The following CLEC4F variants were observed in gnomAD, a reference collection of about 807,000 sequenced individuals.
CLEC4F encodes the protein C-type (calcium dependent, carbohydrate-recognition domain) lectin, superfamily member 13.
A neutral mutation model predicts 53.4 loss-of-function variants in CLEC4F; 45 were observed. The ratio of observed to expected loss-of-function variants is 0.84; its 90% CI spans 0.66 to 1.08. CLEC4F has a LOEUF of 1.08. CLEC4F is among the 50% of genes least tolerant of loss of function. The pLI is 0.00. For synonymous variants in CLEC4F, 245 were observed against 257.5 expected (o/e 0.95, Z 0.46); for missense variants, 753 against 698.2 (o/e 1.08, Z -0.88).
rs782058755 is a variant in CLEC4F at position 70,809,111 on chromosome 2, G to A, written c.*160C>T. ...ACAACAGGGCTTTATACTGTTAGAT[G>A]AAGGCAGCATCCCTTCCTGGTGCTG... On this transcript the variant is annotated 3_prime_UTR_variant, in exon 7 of 7. Transcript: ENST00000272367. The A allele has an allele frequency of 4.5e-6, 7 of 1,550,462 alleles. No homozygotes were observed. The South Asian group carries it at 7.1e-5, about 16-fold the overall frequency.
chr2:70,811,811 G>T (rs1676582257), intron 5 of CLEC4F, among the ~76,000 whole-genome samples: 1 of 152,064 alleles, frequency 6.6e-6, no homozygotes, highest in Admixed American at 6.6e-5. Flanking sequence ...TGGATGCAGT[G>T]GCTCACTCCC....
At chr2:70,811,468 T>C (rs559077512) in intron 5 of CLEC4F, 6 of 549,828 alleles carry the variant, frequency 1.1e-5, no homozygotes, top group African/African-American at 1.9e-5. Context: ...CCCTCTGCCA[T>C]GACCATAGTG....
At chr2:70,814,514 T>G (rs1347422338) in intron 4 of CLEC4F, among the ~76,000 whole-genome samples, 13 of 152,198 alleles carry the variant, frequency 8.5e-5, no homozygotes, top group African/African-American at 2.9e-4. Context: ...ACAATCTGCT[T>G]CAGCAAGCCC....
chr2:70,820,793 C>G (rs1415468795), upstream of CLEC4F, among the ~76,000 whole-genome samples: 1 of 152,226 alleles, frequency 6.6e-6, no homozygotes, highest in Non-Finnish European at 1.5e-5. Flanking sequence ...TCATCCCAGC[C>G]TCTGCCGCAT....
intron 5 of CLEC4F, 135 bp downstream of exon 5, chr2:70,812,312 C>G (rs547933837): frequency 1.1e-6 from 1 of 889,172 alleles, no homozygotes; most frequent in Non-Finnish European, 1.7e-6. Context: ...AGAACTCACT[C>G]AATATTTGCT....
upstream of CLEC4F, among the ~76,000 whole-genome samples, chr2:70,821,584 A>G (rs1392455733): frequency 1.3e-5 from 2 of 152,182 alleles, no homozygotes; most frequent in African/African-American, 4.8e-5. Context: ...TTGGGACCCC[A>G]CTGGGCCTTG....
rs1211255756 is a variant in CLEC4F, at chr2:70,816,718, AT to A, written c.662del (p.Asn221MetfsTer9). 2.5e-6 allele frequency: 4 copies of A among 1,614,110 alleles called. No homozygotes were observed. The highest frequency in any genetic ancestry group is 2.5e-6 in the Non-Finnish European group (3 of 1,180,012). On this transcript the variant is annotated frameshift_variant, in exon 4 of 7. Coordinates refer to ENST00000272367, the MANE Select transcript of CLEC4F (RefSeq NM_173535.3). LOFTEE classifies it high-confidence loss of function. ...ELHVLSRGLE[N>X]ANSEIQMLNA... ...TCAACATCTGAATTTCAGAGTTTGC[AT>A]TTTCTAAGCCTCTGCTTAGCACGTG...
intron 3 of CLEC4F, among the ~76,000 whole-genome samples, chr2:70,818,268 G>A (rs1467966367): frequency 6.6e-6 from 1 of 152,204 alleles, no homozygotes; most frequent in Non-Finnish European, 1.5e-5. Context: ...TACGGAAGTA[G>A]ACCCCCACAC....
At chr2:70,823,728 G>C (rs567228785), upstream of CLEC4F, among the ~76,000 whole-genome samples, 10 of 152,246 alleles carry the variant, frequency 6.6e-5, no homozygotes, top group African/African-American at 2.4e-4. Flanking sequence ...AAAAACAAAT[G>C]GGCATTAATA....
chr2:70,816,297 A>G lies in CLEC4F; in HGVS notation c.1084T>C (p.Phe362Leu), dbSNP rs781999651. Reference sequence around the variant, plus strand: ...TTCACATTTTCCATCTCTGACTTGAATACCTGAATCTGAGTATCTGTCTGG... The same window carrying G: ...TTCACATTTTCCATCTCTGACTTGAGTACCTGAATCTGAGTATCTGTCTGG... ...LDQTDTQIQV[F>L]KSEMENVNTL... The change falls in exon 4 of 7, where the codon TTC (phenylalanine) becomes CTC (leucine). Residue 362 changes from phenylalanine (F) to leucine (L), a missense_variant. Coordinates refer to ENST00000272367, the MANE Select transcript of CLEC4F (RefSeq NM_173535.3). The G allele has an allele frequency of 3.3e-5, 54 of 1,614,084 alleles. No individual in the cohort carries two copies. Among genetic ancestry groups the G allele is most frequent in the Non-Finnish European group, 4.5e-5 (53 of 1,180,036 alleles).
Position 70,809,635 on chromosome 2 carries a change from C to T in CLEC4F, c.1658+104G>A, listed in dbSNP as rs77547335. On this transcript the variant is annotated intron_variant, in intron 6 of 6. Transcript: ENST00000272367. ...ATACACACCACACACGTCACACACA[C>T]ATATACACACAACACTACCACTTAC... The T allele has an allele frequency of 2.4e-6, 2 of 832,154 alleles. No homozygotes were observed. The highest frequency in any genetic ancestry group is 1.9e-5 in the Admixed American group (1 of 52,124). The allele number at this position is 832,154 out of a possible 1,614,324, so 51.5% of individuals were successfully genotyped here.
At chr2:70,824,727 C>T (rs781726717), upstream of CLEC4F, among the ~76,000 whole-genome samples, 6 of 139,972 alleles carry the variant, frequency 4.3e-5, no homozygotes, top group Non-Finnish European at 9.3e-5. Context: ...TGAGCAAAAA[C>T]AAAACAAAAA....
intron 3 of CLEC4F, among the ~76,000 whole-genome samples, chr2:70,817,586 G>A (rs1289611922): frequency 1.3e-5 from 2 of 152,166 alleles, no homozygotes; most frequent in Non-Finnish European, 2.9e-5. Flanking sequence ...CAAGCATAGA[G>A]CCTCTTGATT....
At chr2:70,817,163 A>G in intron 3 of CLEC4F, 51 bp from the exon 4 acceptor site, 1 of 1,551,456 alleles carries the variant, frequency 6.4e-7, no homozygotes, top group African/African-American at 1.4e-5. Context: ...TATGTAGGGT[A>G]GCATTTTATG....
chr2:70,810,691 A>AC, intron 5 of CLEC4F: 1 of 271,564 alleles, frequency 3.7e-6, no homozygotes, highest in Non-Finnish European at 7.3e-6. Context: ...CCTATACTAA[A>AC]CAAAGAAGCT....
In CLEC4F at chr2:70,816,677, G is replaced by A. The variant is rs78458500; in HGVS notation, c.704C>T (p.Thr235Met). 6.4e-4 allele frequency: 1,031 copies of A among 1,614,122 alleles called. 5 individuals carry two copies. The African/African-American group carries it at 0.01, about 16-fold the overall frequency. Residue 235 changes from threonine to methionine, a missense_variant, in exon 4 of 7, where the codon ACG (threonine) becomes ATG (methionine). Physicochemically the swap from Thr to Met is moderately conservative, Grantham distance 81 (BLOSUM62 -1). Coordinates refer to ENST00000272367, the MANE Select transcript of CLEC4F (RefSeq NM_173535.3). ...EIQMLNASLE[T>M]ANTQAQLANS... Reference sequence around the variant, plus strand: ...GGCTAACTGAGCCTGGGTATTTGCCGTTTCCAAACTGGCATTCAACATCTG... The same window carrying A: ...GGCTAACTGAGCCTGGGTATTTGCCATTTCCAAACTGGCATTCAACATCTG...
chr2:70,824,151 C>A (rs1677291903), upstream of CLEC4F, among the ~76,000 whole-genome samples: 4 of 151,914 alleles, frequency 2.6e-5, no homozygotes, highest in South Asian at 8.3e-4. Flanking sequence ...TAATCCAGGA[C>A]ATTTTATTTA....
In CLEC4F at chr2:70,819,850, G is replaced by A. The variant is rs1348136562; in HGVS notation, c.103C>T (p.Pro35Ser). 5.0e-6 allele frequency: 8 copies of A among 1,607,578 alleles called. No individual in the cohort carries two copies. The highest frequency in any genetic ancestry group is 5.9e-6 in the Non-Finnish European group (7 of 1,177,254). The change falls in exon 2 of 7, where the codon CCG becomes TCG. Residue 35 changes from proline to serine, a missense_variant. Transcript: ENST00000272367. ...VAMAPAAPKIPRLVQATPAFM... is the reference protein window; with the variant it reads ...VAMAPAAPKISRLVQATPAFM... ...GCCGGGGTAGCCTGAACGAGCCTCG[G>A]TATCTTGGGGGCTGCAGGAGCCATT... is the stretch of plus-strand genomic sequence containing the variant.
At chr2:70,809,892 G>GT (rs781884335) in intron 5 of CLEC4F, 35 bp from the exon 6 acceptor site, 56 of 1,478,060 alleles carry the variant, frequency 3.8e-5, no homozygotes, top group Non-Finnish European at 5.0e-5. Flanking sequence ...TTGCCCCTGT[G>GT]TGTGGGGAGC....
Sources: allele counts gnomAD v4.1 joint callset (sites outside exome capture counted in the v4.1 genomes callset), GRCh38; gene constraint gnomAD v4.1.1; transcripts MANE v1.5; gene names NCBI Gene and HGNC (gene_info 2026-07-23, HGNC 2026-07-21).